Variants in DHRSX observed in about 807,000 individuals in gnomAD.
DHRSX encodes dehydrogenase/reductase X-linked.
Under a neutral mutation model 34.0 loss-of-function variants are expected in DHRSX, and 31 were observed. The ratio of observed to expected loss-of-function variants is 0.91; its 90% CI spans 0.69 to 1.23. DHRSX has a LOEUF of 1.23. Ranked by LOEUF, DHRSX falls within the 50% of genes most tolerant of loss-of-function variation. DHRSX has a pLI of 0.00. For missense variants in DHRSX, 414 were observed against 428.1 expected (o/e 0.97, Z 0.29); for synonymous variants, 201 against 183.8 (o/e 1.09, Z -0.76).
intron 1 of DHRSX, chrX:2,488,897 T>C: frequency 6.2e-7 from 1 of 1,609,492 alleles, no homozygotes; most frequent in Non-Finnish European, 8.5e-7. Flanking sequence ...CACGCACCAG[T>C]ACTTCTGCAG....
chrX:2,471,854 G>T (rs890359743), intron 1 of DHRSX, among the ~76,000 whole-genome samples: 1 of 152,060 alleles, frequency 6.6e-6, no homozygotes, highest in African/African-American at 2.4e-5. Context: ...CCATGAAAAA[G>T]AATGGGATTG....
intron 4 of DHRSX, among the ~76,000 whole-genome samples, chrX:2,285,662 G>A (rs2041796102): frequency 6.6e-6 from 1 of 152,104 alleles, no homozygotes. Flanking sequence ...GGGGTCTGCA[G>A]ACCCCCTACT....
At chrX:2,276,629 G>A (rs1457309745) in intron 4 of DHRSX, among the ~76,000 whole-genome samples, 2 of 151,866 alleles carry the variant, frequency 1.3e-5, no homozygotes, top group Admixed American at 6.6e-5. Flanking sequence ...CTGAAGCAGT[G>A]AACACAGGTG....
At chrX:2,382,971 A>G (rs1210420644) in intron 3 of DHRSX, among the ~76,000 whole-genome samples, 1 of 61,736 alleles carries the variant, frequency 1.6e-5, no homozygotes, top group Non-Finnish European at 3.9e-5. Flanking sequence ...CACCATCACC[A>G]TCATCACCAT....
intron 1 of DHRSX, among the ~76,000 whole-genome samples, chrX:2,440,537 T>TC (rs2044049799): frequency 6.8e-6 from 1 of 146,224 alleles, no homozygotes; most frequent in African/African-American, 2.5e-5. Context: ...TTTCTTTCTT[T>TC]TTTTTTTTGA....
At chrX:2,395,481 T>TA (rs1569496956) in intron 3 of DHRSX, among the ~76,000 whole-genome samples, 1 of 152,122 alleles carries the variant, frequency 6.6e-6, no homozygotes, top group East Asian at 1.9e-4. Flanking sequence ...CTTTTTCCCA[T>TA]AGAGAGGCCG....
intron 1 of DHRSX, among the ~76,000 whole-genome samples, chrX:2,432,234 T>C (rs1355328760): frequency 6.6e-6 from 1 of 151,062 alleles, no homozygotes; most frequent in African/African-American, 2.4e-5. Context: ...AAAATAGAAG[T>C]TGGAGGGGGA....
intron 3 of DHRSX, among the ~76,000 whole-genome samples, chrX:2,346,467 C>T (rs1405262521): frequency 3.3e-5 from 5 of 152,132 alleles, no homozygotes; most frequent in African/African-American, 9.7e-5. Flanking sequence ...CCTCCCCTCC[C>T]ACAAGGCGCC....
chrX:2,366,878 G>A (rs1440517672), intron 3 of DHRSX, among the ~76,000 whole-genome samples: 1 of 152,078 alleles, frequency 6.6e-6, no homozygotes, highest in East Asian at 1.9e-4. Context: ...GGGATTACAG[G>A]CAGGAGCCAC....
At position 2,360,515 on chromosome X, in the gene DHRSX, G is replaced by C. The variant is rs1173068340; in HGVS notation, c.286+48230C>G. 4.6e-5 allele frequency among the ~76,000 whole-genome samples: 7 copies of C among 152,014 alleles called. No homozygotes were observed. The East Asian group carries it at 1.4e-3, about 29-fold the overall frequency. Reference sequence around the variant, plus strand: ...GGAGAATCGCTTGAACCCGGGAGGCGGAGATTGCAGTGAGCCAAGATCGCG... The same window carrying C: ...GGAGAATCGCTTGAACCCGGGAGGCCGAGATTGCAGTGAGCCAAGATCGCG... On this transcript the variant is annotated intron_variant, in intron 3 of 6. Transcript: ENST00000334651.
At chrX:2,439,713 T>C (rs904583135) in intron 1 of DHRSX, among the ~76,000 whole-genome samples, 4 of 152,110 alleles carry the variant, frequency 2.6e-5, no homozygotes, top group African/African-American at 4.8e-5. Flanking sequence ...TAGATTTTCA[T>C]ACGGAGCACG....
intron 1 of DHRSX, among the ~76,000 whole-genome samples, chrX:2,458,148 G>T (rs1400118805): frequency 3.3e-5 from 5 of 151,870 alleles, no homozygotes; most frequent in African/African-American, 9.7e-5. Flanking sequence ...GCTACACACT[G>T]AAGATGTTTC....
chrX:2,495,273 C>T (rs2045253063), intron 1 of DHRSX, among the ~76,000 whole-genome samples: 1 of 151,384 alleles, frequency 6.6e-6, no homozygotes, highest in Admixed American at 6.6e-5. Flanking sequence ...TATATTTTAT[C>T]ATTATTATCA....
intron 5 of DHRSX, among the ~76,000 whole-genome samples, chrX:2,244,553 G>T (rs1232220046): frequency 3.9e-5 from 6 of 152,072 alleles, no homozygotes; most frequent in African/African-American, 1.4e-4. Flanking sequence ...AATAAGACAA[G>T]GAGAAGTATT....
At position 2,482,732 on chromosome X, in the gene DHRSX, C is replaced by G. The variant is rs944419729; in HGVS notation, c.109+18085G>C. On this transcript the variant is annotated intron_variant, in intron 1 of 6. Coordinates refer to ENST00000334651, the MANE Select transcript of DHRSX (RefSeq NM_145177.3). The stretch of plus-strand genomic sequence containing the variant: ...AATTCTAGAAATCCTGCAGTAACTG[C>G]CTATTTGATACGTTCTCAGAGTTCC... 3.7e-4 allele frequency among the ~76,000 whole-genome samples: 57 copies of G among 152,300 alleles called. 1 individual carries two copies. The East Asian group carries it at 9.4e-3, about 25-fold the overall frequency.
intron 3 of DHRSX, among the ~76,000 whole-genome samples, chrX:2,345,325 C>G (rs1335170639): frequency 2.6e-5 from 4 of 151,858 alleles, no homozygotes; most frequent in Non-Finnish European, 4.4e-5. Context: ...TAGGCCTGGT[C>G]TAATCAGTTG....
At chrX:2,380,670 C>T (rs2043192407) in intron 3 of DHRSX, among the ~76,000 whole-genome samples, 1 of 151,974 alleles carries the variant, frequency 6.6e-6, no homozygotes, top group Non-Finnish European at 1.5e-5. Context: ...TGAGTGAGTT[C>T]TCACGAGGTC....
intron 5 of DHRSX, among the ~76,000 whole-genome samples, chrX:2,249,743 C>A (rs2016392565): frequency 6.6e-6 from 1 of 151,518 alleles, no homozygotes; most frequent in African/African-American, 2.4e-5. Flanking sequence ...AGGCCAGTCT[C>A]GAACTCCTGA....
intron 4 of DHRSX, among the ~76,000 whole-genome samples, chrX:2,269,878 G>A (rs2041526341): frequency 6.6e-6 from 1 of 152,096 alleles, no homozygotes; most frequent in African/African-American, 2.4e-5. Flanking sequence ...TATATCTATA[G>A]GTCTAGCGTT....
Sources: gnomAD v4.1 joint callset for allele counts (sites outside exome capture counted in the v4.1 genomes callset) on GRCh38, gnomAD v4.1.1 for gene constraint, MANE v1.5 for transcripts, NCBI Gene and HGNC (gene_info 2026-07-23, HGNC 2026-07-21) for gene names.